The following MRPS31 variants were observed in gnomAD, a reference collection of about 807,000 sequenced individuals.
The protein encoded by MRPS31 is small ribosomal subunit protein mS31.
A neutral mutation model predicts 43.1 loss-of-function variants in MRPS31; 32 were observed. The observed-to-expected ratio is 0.74, with a 90% CI of 0.56 to 1.00. The LOEUF is 1.00. Among genes scored for constraint, MRPS31 ranks in the 50% least tolerant of loss-of-function variants. The pLI, the probability that MRPS31 is intolerant of heterozygous loss-of-function variation, is 0.00. For missense variants in MRPS31, 437 were observed against 466.7 expected, an observed-to-expected ratio of 0.94 and a Z score of 0.59; for synonymous variants, 165 against 161.6, an observed-to-expected ratio of 1.02 and a Z score of -0.16.
At chr13:40,731,625 A>G (rs1879703623) in intron 6 of MRPS31, among the ~76,000 whole-genome samples, 1 of 151,996 alleles carries the variant, frequency 6.6e-6, no homozygotes, top group Non-Finnish European at 1.5e-5. Context: ...GAGGAAAGAG[A>G]GATAGAGAAA....
At chr13:40,761,880 C>T (rs1366930116) in intron 2 of MRPS31, among the ~76,000 whole-genome samples, 1 of 145,606 alleles carries the variant, frequency 6.9e-6, no homozygotes, top group Non-Finnish European at 1.5e-5. Flanking sequence ...CTTGACCTAG[C>T]AATTCCACTT....
At chr13:40,755,897 T>C (rs1166492504) in intron 4 of MRPS31, among the ~76,000 whole-genome samples, 1 of 152,234 alleles carries the variant, frequency 6.6e-6, no homozygotes, top group African/African-American at 2.4e-5. Context: ...GAGGATTAAC[T>C]GATTCAGTTA....
In MRPS31 at chr13:40,771,137, C is replaced by A. The variant is rs765840229; in HGVS notation, c.-1G>T. 7 of 1,597,250 alleles carry A rather than the reference C, an allele frequency of 4.4e-6. No individual in the cohort carries two copies. Among genetic ancestry groups the A allele is most frequent in the Non-Finnish European group, 5.1e-6 (6 of 1,169,898 alleles). On this transcript the variant is annotated 5_prime_UTR_variant, in exon 1 of 7. Transcript: ENST00000323563. Reference sequence around the variant, plus strand: ...GGAACGTCGAGACTCTAGGAAACATCGCCGAGACACGAAATGAACCAAGAA... The same window carrying A: ...GGAACGTCGAGACTCTAGGAAACATAGCCGAGACACGAAATGAACCAAGAA...
intron 6 of MRPS31, among the ~76,000 whole-genome samples, chr13:40,733,887 A>G (rs561838779): frequency 2.1e-5 from 3 of 141,850 alleles, no homozygotes; most frequent in African/African-American, 7.7e-5. Flanking sequence ...TGAGCCTGGG[A>G]GGTCAAGGCT....
intron 6 of MRPS31, among the ~76,000 whole-genome samples, chr13:40,733,218 G>A (rs1439638421): frequency 1.3e-5 from 2 of 151,940 alleles, no homozygotes; most frequent in Non-Finnish European, 2.9e-5. Context: ...TGGCCAGGCT[G>A]GTCTCAAACT....
At chr13:40,732,505 A>T (rs751508840) in intron 6 of MRPS31, among the ~76,000 whole-genome samples, 2 of 152,300 alleles carry the variant, frequency 1.3e-5, no homozygotes, top group Non-Finnish European at 2.9e-5. Flanking sequence ...AGGCCGAGGC[A>T]GGAGGATAGC....
intron 6 of MRPS31, among the ~76,000 whole-genome samples, chr13:40,739,686 G>C (rs1354563387): frequency 6.6e-6 from 1 of 151,936 alleles, no homozygotes; most frequent in African/African-American, 2.4e-5. Context: ...CAAGCAATGG[G>C]GAAAGGATTC....
intron 6 of MRPS31, among the ~76,000 whole-genome samples, chr13:40,742,750 A>T (rs1191999522): frequency 2.0e-5 from 3 of 152,228 alleles, no homozygotes; most frequent in Non-Finnish European, 2.9e-5. Context: ...TAGAAACAAA[A>T]GTGTGATTAA....
At chr13:40,748,580 A>G (rs1880304098) in intron 6 of MRPS31, among the ~76,000 whole-genome samples, 1 of 152,232 alleles carries the variant, frequency 6.6e-6, no homozygotes, top group African/African-American at 2.4e-5. Context: ...GGAAGAGGTA[A>G]CATCTCCAAA....
intron 6 of MRPS31, among the ~76,000 whole-genome samples, chr13:40,740,737 G>A (rs1880062462): frequency 7.1e-6 from 1 of 140,504 alleles, no homozygotes; most frequent in African/African-American, 2.7e-5. Context: ...ATTGAACAGT[G>A]AGATCACATG....
intron 6 of MRPS31, among the ~76,000 whole-genome samples, chr13:40,732,157 T>C (rs566175930): frequency 6.6e-6 from 1 of 152,346 alleles, no homozygotes; most frequent in Admixed American, 6.5e-5. Flanking sequence ...AGATTTCTCA[T>C]TGGAGAAACT....
At chr13:40,742,794 T>A (rs575721812) in intron 6 of MRPS31, among the ~76,000 whole-genome samples, 2 of 152,264 alleles carry the variant, frequency 1.3e-5, no homozygotes, top group South Asian at 4.1e-4. Context: ...CACTGAAGCC[T>A]CTAAATTGAG....
chr13:40,764,189 G>A (rs1370902768), intron 2 of MRPS31, among the ~76,000 whole-genome samples: 1 of 152,070 alleles, frequency 6.6e-6, no homozygotes, highest in African/African-American at 2.4e-5. Flanking sequence ...GTGGGGCCGT[G>A]GGATACAGGC....
chr13:40,734,836 C>T (rs1223694898), intron 6 of MRPS31, among the ~76,000 whole-genome samples: 1 of 152,140 alleles, frequency 6.6e-6, no homozygotes. Flanking sequence ...TTCGAGGTTG[C>T]AGTGAGCCAT....
intron 3 of MRPS31, among the ~76,000 whole-genome samples, chr13:40,757,498 G>A (rs947532163): frequency 2.2e-5 from 3 of 137,590 alleles, no homozygotes; most frequent in Non-Finnish European, 4.6e-5. Context: ...AGGTTGGAGT[G>A]CAGTGGCGCA....
chr13:40,768,405 C>T lies in MRPS31; in HGVS notation c.153-1372G>A, dbSNP rs143961934. On this transcript the variant is annotated intron_variant, in intron 1 of 6. Coordinates refer to ENST00000323563, the MANE Select transcript of MRPS31 (RefSeq NM_005830.4). ...CTGACCTCCAACAGGCATCACCCCG[C>T]TAAATCCCCTGGAAGTCTTTAATAT... Among the ~76,000 whole-genome samples the T allele has an allele frequency of 2.3e-3, 322 of 139,310 alleles. 1 individual carries two copies. The highest frequency in any genetic ancestry group is 9.0e-3 in the African/African-American group (313 of 34,954). The allele number at this position is 139,310 out of a possible 152,430, so 91.4% of individuals were successfully genotyped here.
chr13:40,739,973 A>C (rs2137997958), intron 6 of MRPS31, among the ~76,000 whole-genome samples: 1 of 149,560 alleles, frequency 6.7e-6, no homozygotes, highest in East Asian at 2.0e-4. Context: ...TCTGCACAGC[A>C]AAAGAAACTA....
intron 2 of MRPS31, among the ~76,000 whole-genome samples, chr13:40,765,207 C>T (rs898893046): frequency 6.6e-6 from 1 of 152,210 alleles, no homozygotes; most frequent in African/African-American, 2.4e-5. Context: ...TAAGACACAT[C>T]TTTTATATAC....
chr13:40,758,858 G>T, intron 3 of MRPS31, 90 bp downstream of exon 3: 15 of 1,166,762 alleles, frequency 1.3e-5, no homozygotes, highest in Non-Finnish European at 1.6e-5. Context: ...CACTTACGTG[G>T]TATATATTAT....
Sources: allele counts gnomAD v4.1 joint callset (sites outside exome capture counted in the v4.1 genomes callset), GRCh38; gene constraint gnomAD v4.1.1; transcripts MANE v1.5; gene names NCBI Gene and HGNC (gene_info 2026-07-23, HGNC 2026-07-21).